Variants in TMEM171 observed in about 807,000 individuals in gnomAD.
TMEM171 encodes transmembrane protein 171.
Under a neutral mutation model 19.1 loss-of-function variants are expected in TMEM171, and 16 were observed. The ratio of observed to expected loss-of-function variants is 0.84; its 90% CI spans 0.57 to 1.27. The LOEUF (loss-of-function observed/expected upper bound fraction) is 1.27. TMEM171 is among the 50% of genes most tolerant of loss of function. The probability of loss-of-function intolerance (pLI) is 0.00; values close to 1 mark genes in which losing one functional copy is unlikely to be tolerated. For synonymous variants in TMEM171, 153 were observed against 163.4 expected, an observed-to-expected ratio of 0.94 and a Z score of 0.48; for missense variants, 429 against 412.7, an observed-to-expected ratio of 1.04 and a Z score of -0.34.
chr5:73,127,384 A>AAAAT lies in TMEM171; in HGVS notation c.641-1005_641-1004insAATA. Among the ~76,000 whole-genome samples, 101 of 81,672 alleles carry AAAAT rather than the reference A, an allele frequency of 1.2e-3. 4 individuals carry two copies. Among genetic ancestry groups the AAAAT allele is most frequent in the African/African-American group, 6.3e-3 (96 of 15,214 alleles). 53.6% of individuals were successfully genotyped at this position (81,672 alleles called of 152,430 possible). A position where few individuals can be genotyped will look rare whatever the true frequency, so the allele number is the denominator to read the frequency against. On this transcript the variant is annotated intron_variant, in intron 2 of 3. Transcript: ENST00000454765. ...AAATTTGTGGTAAAAAAAAAAAAAAAATATATATATATATATATATATAAA... is the reference window on the plus strand; with the variant it reads ...AAATTTGTGGTAAAAAAAAAAAAAAAAAATATATATATATATATATATATATAAA...
chr5:73,128,746 C>T (rs1744255634), intron 3 of TMEM171, among the ~76,000 whole-genome samples: 1 of 110,624 alleles, frequency 9.0e-6, no homozygotes, highest in Non-Finnish European at 1.9e-5. Context: ...AATATGAAGC[C>T]TACTCCAGGC....
intron 2 of TMEM171, among the ~76,000 whole-genome samples, chr5:73,124,745 T>C (rs576807958): frequency 1.3e-5 from 2 of 152,318 alleles, no homozygotes; most frequent in South Asian, 2.1e-4. Flanking sequence ...CAAGTTCCTT[T>C]TGGGTCCCCC....
rs200985562 is a variant in TMEM171, at chr5:73,128,541, T to C, written c.782+10T>C. ...GTATTTTCAACTATGGGTAAGAATTTCAATTTGAACTTCAAGAGAGGCCTG... is the reference window on the plus strand; with the variant it reads ...GTATTTTCAACTATGGGTAAGAATTCCAATTTGAACTTCAAGAGAGGCCTG... On this transcript the variant is annotated intron_variant, in intron 3 of 3. Coordinates refer to ENST00000454765, the MANE Select transcript of TMEM171 (RefSeq NM_173490.8). The C allele has an allele frequency of 1.7e-4, 270 of 1,613,658 alleles. 1 individual carries two copies. In the African/African-American group the frequency reaches 2.4e-3, roughly 14 times the overall value.
chr5:73,121,801 T>A (rs1744014878), intron 1 of TMEM171, among the ~76,000 whole-genome samples: 1 of 152,246 alleles, frequency 6.6e-6, no homozygotes, highest in Admixed American at 6.5e-5. Context: ...AAGATCATCT[T>A]GGGCTTAGGG....
rs150115532 is a variant in TMEM171 at position 73,128,490 on chromosome 5, G to A, written c.741G>A (p.Pro247=). The A allele has an allele frequency of 6.4e-5, 103 of 1,613,986 alleles. No individual in the cohort carries two copies. The highest frequency in any genetic ancestry group is 2.7e-4 in the South Asian group (25 of 91,072). The change falls in exon 3 of 4, where the codon CCG becomes CCA. Residue 247 remains proline (P), a synonymous_variant. Transcript: ENST00000454765. ...GTCCTGGAACTAACAGTCTGCTTCC[G>A]AATGAAAACCCCCCTTCATATTACA... ...AESPGTNSLL[P]NENPPSYYSI...
At chr5:73,131,441 T>C in intron 3 of TMEM171, 97 bp from the exon 4 acceptor site, 1 of 941,850 alleles carries the variant, frequency 1.1e-6, no homozygotes, top group Admixed American at 2.8e-5. Context: ...CAAATACTCT[T>C]AAGTGCATGT....
chr5:73,124,733 T>C (rs1744116298), intron 2 of TMEM171, among the ~76,000 whole-genome samples: 1 of 152,194 alleles, frequency 6.6e-6, no homozygotes, highest in Middle Eastern at 3.2e-3. Flanking sequence ...GTGGAATGCC[T>C]ACAAGTTCCT....
intron 3 of TMEM171, among the ~76,000 whole-genome samples, chr5:73,130,894 C>T (rs1381125335): frequency 2.0e-5 from 3 of 152,166 alleles, no homozygotes; most frequent in Non-Finnish European, 1.5e-5. Context: ...GCTGCTGCTA[C>T]TATGATTTCT....
At chr5:73,121,287 TA>T (rs2080894576) in intron 1 of TMEM171, among the ~76,000 whole-genome samples, 1 of 152,198 alleles carries the variant, frequency 6.6e-6, no homozygotes, top group Admixed American at 6.5e-5. Flanking sequence ...AAGTTGACTA[TA>T]CTGGGAATAA....
intron 2 of TMEM171, among the ~76,000 whole-genome samples, chr5:73,127,407 A>ATATATAT (rs1364234564): frequency 3.6e-5 from 5 of 137,088 alleles, no homozygotes; most frequent in African/African-American, 5.7e-5. Context: ...ATATATATAT[A>ATATATAT]AAGCATAAAC....
intron 1 of TMEM171, among the ~76,000 whole-genome samples, chr5:73,121,820 T>C (rs77877686): frequency 0.11 from 16,076 of 152,216 alleles, 933 homozygotes; most frequent in Middle Eastern, 0.16. Context: ...GGCCTCAGTC[T>C]TGAGTTCCTT....
intron 3 of TMEM171, among the ~76,000 whole-genome samples, chr5:73,130,475 C>T (rs1744302963): frequency 6.6e-6 from 1 of 152,082 alleles, no homozygotes; most frequent in South Asian, 2.1e-4. Flanking sequence ...GTGCTCATTG[C>T]TGGGGATAGC....
At position 73,123,083 on chromosome 5, in the gene TMEM171, A is replaced by G. The variant is rs138841240; in HGVS notation, c.-68-223A>G. Among the ~76,000 whole-genome samples the G allele has an allele frequency of 3.0e-3, 452 of 152,292 alleles. 3 individuals carry two copies. Among genetic ancestry groups the G allele is most frequent in the African/African-American group, 0.01 (432 of 41,566 alleles). ...GATACCCTTAGATGTGTAGTAATTT[A>G]ATTTCCTGTTTTGAATATCTTGTAA... On this transcript the variant is annotated intron_variant, in intron 1 of 3. Coordinates refer to ENST00000454765, the MANE Select transcript of TMEM171 (RefSeq NM_173490.8).
intron 1 of TMEM171, among the ~76,000 whole-genome samples, chr5:73,122,786 T>C (rs1744039425): frequency 6.6e-6 from 1 of 152,222 alleles, no homozygotes. Flanking sequence ...TTGAAATTGC[T>C]GAAATTGGGT....
chr5:73,128,605 C>T, intron 3 of TMEM171, 74 bp downstream of exon 3: 5 of 1,543,650 alleles, frequency 3.2e-6, no homozygotes, highest in Non-Finnish European at 4.4e-6. Context: ...TGTGGTTCAC[C>T]AGGAGGCATT....
At chr5:73,128,880 C>T (rs569074968) in intron 3 of TMEM171, among the ~76,000 whole-genome samples, 1 of 152,154 alleles carries the variant, frequency 6.6e-6, no homozygotes, top group East Asian at 1.9e-4. Context: ...ATCACTTGAG[C>T]TTAGGAGTTT....
intron 2 of TMEM171, among the ~76,000 whole-genome samples, chr5:73,127,850 C>T (rs1224083127): frequency 1.3e-5 from 2 of 151,664 alleles, no homozygotes; most frequent in African/African-American, 4.8e-5. Flanking sequence ...AAGCAGTCCT[C>T]CTATCTCAGC....
At position 73,131,724 on chromosome 5, in the gene TMEM171, A is replaced by C; in HGVS notation, c.969A>C (p.Pro323=). ...TFLPLSSEPS[P]P ...TGCCTCTATCTTCTGAGCCTTCCCC[A>C]CCGTAAACTATGGACTCTAGTTCAG... The change falls in exon 4 of 4, where the codon CCA becomes CCC. Residue 323 remains proline, a synonymous_variant. Coordinates refer to ENST00000454765, the MANE Select transcript of TMEM171 (RefSeq NM_173490.8). 6.2e-7 allele frequency: 1 copy of C among 1,607,040 alleles called. No homozygotes were observed. The highest frequency in any genetic ancestry group is 8.5e-7 in the Non-Finnish European group (1 of 1,177,426).
intron 3 of TMEM171, 99 bp downstream of exon 3, chr5:73,128,630 T>G: frequency 6.9e-7 from 1 of 1,454,082 alleles, no homozygotes; most frequent in East Asian, 2.3e-5. Context: ...TGTGAGTATC[T>G]TTTTTGCTGA....
Sources: allele counts gnomAD v4.1 joint callset (sites outside exome capture counted in the v4.1 genomes callset), GRCh38; gene constraint gnomAD v4.1.1; transcripts MANE v1.5; gene names NCBI Gene and HGNC (gene_info 2026-07-23, HGNC 2026-07-21).